Variants in CFAP46 observed in about 807,000 individuals in gnomAD.
CFAP46 encodes cilia- and flagella-associated protein 46.
A neutral mutation model predicts 325.7 loss-of-function variants in CFAP46; 245 were observed. The ratio of observed to expected loss-of-function variants is 0.75; its 90% confidence interval spans 0.68 to 0.84. The LOEUF (loss-of-function observed/expected upper bound fraction) is 0.84, where lower values mean the gene tolerates loss of function less well. Ranked by LOEUF, CFAP46 falls within the 40% of genes least tolerant of loss-of-function variation. The pLI, the probability that CFAP46 is intolerant of heterozygous loss-of-function variation, is 0.00. For missense variants in CFAP46, 3,346 were observed against 3,543.0 expected, an observed-to-expected ratio of 0.94 and a Z score of 1.41; for synonymous variants, 1,523 against 1,495.9, an observed-to-expected ratio of 1.02 and a Z score of -0.42.
At chr10:132,835,538 G>A (rs957812786) in intron 46 of CFAP46, 104 bp from the exon 47 acceptor site, 3 of 1,430,240 alleles carry the variant, frequency 2.1e-6, no homozygotes, top group Admixed American at 1.9e-5. Context: ...CCACAGGAAA[G>A]GCTGCATGGA....
chr10:132,937,422 T>C (rs773790224), intron 6 of CFAP46, 130 bp downstream of exon 6: 3 of 998,648 alleles, frequency 3.0e-6, no homozygotes, highest in Non-Finnish European at 4.5e-6. Context: ...TTATGTAATT[T>C]TGTTCATGTA....
chr10:132,865,550 C>G (rs945390524), intron 35 of CFAP46, among the ~76,000 whole-genome samples: 2 of 152,192 alleles, frequency 1.3e-5, no homozygotes, highest in African/African-American at 4.8e-5. Flanking sequence ...TCGCTGGGGA[C>G]CGTAAGGGTC....
At chr10:132,867,184 A>C (rs111909362) in intron 34 of CFAP46, among the ~76,000 whole-genome samples, 191 bp downstream of exon 34, 5 of 146,604 alleles carry the variant, frequency 3.4e-5, no homozygotes, top group African/African-American at 1.3e-4. Context: ...TGACACACAC[A>C]CAGGCCGGCC....
rs10870341 is a variant in CFAP46, at chr10:132,846,122, A to G, written c.6373T>C (p.Cys2125Arg). The G allele has an allele frequency of 0.12, 200,014 of 1,608,764 alleles. 13,705 individuals are homozygous for G. Among genetic ancestry groups the G allele is most frequent in the African/African-American group, 0.27 (20,253 of 74,838 alleles). ...ALLQLQHQLR[C>R]QDRTTTSLGA... Reference sequence around the variant, plus strand: ...AGGCTGGTGGTGGTCCTGTCTTGGCACCGGAGCTGGTGCTGTAGCTGCAGC... The same window carrying G: ...AGGCTGGTGGTGGTCCTGTCTTGGCGCCGGAGCTGGTGCTGTAGCTGCAGC... Residue 2125 changes from cysteine to arginine, a missense_variant, in exon 44 of 58, where the codon TGC becomes CGC. Physicochemically the swap from Cys to Arg is radical, Grantham distance 180. Coordinates refer to ENST00000368586, the MANE Select transcript of CFAP46 (RefSeq NM_001200049.3).
intron 37 of CFAP46, among the ~76,000 whole-genome samples, chr10:132,859,768 T>C (rs577166532): frequency 1.3e-5 from 2 of 152,348 alleles, no homozygotes; most frequent in African/African-American, 4.8e-5. Context: ...CAGAAATCCG[T>C]GTTGCTGGGG....
In CFAP46 at chr10:132,869,211, T is replaced by C. The variant is rs1848861013; in HGVS notation, c.4610+63A>G. The C allele has an allele frequency of 1.4e-6, 2 of 1,381,030 alleles. No individual in the cohort carries two copies. The highest frequency in any genetic ancestry group is 9.7e-7 in the Non-Finnish European group (1 of 1,031,308). The allele number at this position is 1,381,030 out of a possible 1,614,324, so 85.5% of individuals were successfully genotyped here. A position where few individuals can be genotyped will look rare whatever the true frequency, so the allele number is the denominator to read the frequency against. Reference sequence around the variant, plus strand: ...AAGAGGGTGGCCGCGCAGCTGGCTTTCACCTGGCCGCACCAAGGGCGAGAC... The same window carrying C: ...AAGAGGGTGGCCGCGCAGCTGGCTTCCACCTGGCCGCACCAAGGGCGAGAC... On this transcript the variant is annotated intron_variant, in intron 33 of 57. Transcript: ENST00000368586. This position sits in a 1 kb window ranked among gnomAD's most constrained non-coding sequence, Gnocchi z 6.2.
At position 132,918,408 on chromosome 10, in the gene CFAP46, C is replaced by A. The variant is rs1225492765; in HGVS notation, c.1971G>T (p.Gly657=). ...CATGACGCACCTCAGCATGGATGAACCCCACCTCCGCGAACTTCCGCAGCA... is the reference window on the plus strand; with the variant it reads ...CATGACGCACCTCAGCATGGATGAAACCCACCTCCGCGAACTTCCGCAGCA... ...PDLLRKFAEV[G]FIHAEATVHL... is the part of the protein sequence containing the mutation. The change falls in exon 16 of 58, where the codon GGG becomes GGT. Residue 657 remains glycine (G), a synonymous_variant. Transcript: ENST00000368586. 3 of 1,548,728 alleles carry A rather than the reference C, an allele frequency of 1.9e-6. No individual in the cohort carries two copies. The highest frequency in any genetic ancestry group is 2.6e-6 in the Non-Finnish European group (3 of 1,145,894).
chr10:132,889,012 C>T lies in CFAP46; in HGVS notation c.3305-3053G>A, dbSNP rs534997404. 2.6e-5 allele frequency among the ~76,000 whole-genome samples: 4 copies of T among 152,360 alleles called. No individual in the cohort carries two copies. Among genetic ancestry groups the T allele is most frequent in the Admixed American group, 6.5e-5 (1 of 15,312 alleles). On this transcript the variant is annotated intron_variant, in intron 25 of 57. Transcript: ENST00000368586. This position sits in a 1 kb window ranked among gnomAD's most constrained non-coding sequence, Gnocchi z 6.0. Reference sequence around the variant, plus strand: ...CCCTCTGGAGCCTTCTCAGACTACGCAGCCCCTCACGCCCTTTCTCTTTTC... The same window carrying T: ...CCCTCTGGAGCCTTCTCAGACTACGTAGCCCCTCACGCCCTTTCTCTTTTC...
At chr10:132,881,769 A>G (rs1849046811) in intron 27 of CFAP46, among the ~76,000 whole-genome samples, 1 of 152,248 alleles carries the variant, frequency 6.6e-6, no homozygotes, top group Non-Finnish European at 1.5e-5. Context: ...TCGCACTGGC[A>G]CCACACCACG....
intron 21 of CFAP46, 28 bp from the exon 22 acceptor site, chr10:132,908,662 A>AC: frequency 6.6e-7 from 1 of 1,510,974 alleles, no homozygotes; most frequent in South Asian, 1.3e-5. Flanking sequence ...GAGAAGGGGC[A>AC]CCGTGTTAGC....
intron 34 of CFAP46, 76 bp downstream of exon 34, chr10:132,867,299 C>T: frequency 6.6e-7 from 1 of 1,507,016 alleles, no homozygotes; most frequent in Non-Finnish European, 8.9e-7. Flanking sequence ...CCTGGCTCAG[C>T]TGCAGCCCTG....
At position 132,934,664 on chromosome 10, in the gene CFAP46, GT is replaced by G. The variant is rs1317746454; in HGVS notation, c.866+87del. 5 of 939,340 alleles carry G rather than the reference GT, an allele frequency of 5.3e-6. No individual in the cohort carries two copies. In the African/African-American group the frequency reaches 8.2e-5, roughly 15 times the overall value. 58.2% of individuals were successfully genotyped at this position (939,340 alleles called of 1,614,324 possible). A position where few individuals can be genotyped will look rare whatever the true frequency, so the allele number is the denominator to read the frequency against. ...TTTGCAAAGGTGGTTCTAGTTGCTT[GT>G]TTTACATTTTTTCACATTTTTCAGT... On this transcript the variant is annotated intron_variant, in intron 8 of 57. Transcript: ENST00000368586.
At position 132,941,646 on chromosome 10, in the gene CFAP46, CCCAGAAACTGGGT is replaced by C; in HGVS notation, c.238_250del (p.Thr80AlafsTer26). 1 of 1,614,016 alleles carries C rather than the reference CCCAGAAACTGGGT, an allele frequency of 6.2e-7. No homozygotes were observed. Among genetic ancestry groups the C allele is most frequent in the Non-Finnish European group, 8.5e-7 (1 of 1,180,028 alleles). ...CTGGGCCCTGCACAGGTGCGCTCGG[CCCAGAAACTGGGT>C]GATGGGCGCCTTCACCTTGAAGTAC... On this transcript the variant is annotated frameshift_variant, in exon 3 of 58. Coordinates refer to ENST00000368586, the MANE Select transcript of CFAP46 (RefSeq NM_001200049.3). LOFTEE classifies it high-confidence loss of function.
At position 132,833,397 on chromosome 10, in the gene CFAP46, G is replaced by A. The variant is rs1312506082; in HGVS notation, c.7078C>T (p.Leu2360Phe). Reference protein sequence around the residue: ...TISSVSREFSLQMLWNRLHKE... With the variant: ...TISSVSREFSFQMLWNRLHKE... ...TGGAGGCGATTCCACAGCATTTGAAGAGAAAATTCTCGTGACACAGAGGAA... is the reference window on the plus strand; with the variant it reads ...TGGAGGCGATTCCACAGCATTTGAAAAGAAAATTCTCGTGACACAGAGGAA... The change falls in exon 50 of 58, where the codon CTT becomes TTT. Residue 2360 changes from leucine to phenylalanine, a missense_variant. By Grantham distance (22) the Leu-to-Phe change is conservative. Coordinates refer to ENST00000368586, the MANE Select transcript of CFAP46 (RefSeq NM_001200049.3). 1 of 1,614,160 alleles carries A rather than the reference G, an allele frequency of 6.2e-7. No homozygotes were observed. The highest frequency in any genetic ancestry group is 8.5e-7 in the Non-Finnish European group (1 of 1,180,032).
At position 132,833,479 on chromosome 10, in the gene CFAP46, G is replaced by C; in HGVS notation, c.6996C>G (p.Asp2332Glu). ...CCAGTGGCAGCTCCAGGAGATGTCT[G>C]TCTGCGACCAGGACTATCTTATCGG... Reference protein sequence around the residue: ...EVADKIVLVADRHLLELPLEG... With the variant: ...EVADKIVLVAERHLLELPLEG... The change falls in exon 50 of 58, where the codon GAC (aspartate) becomes GAG (glutamate). Residue 2332 changes from aspartate (D) to glutamate (E), a missense_variant. Coordinates refer to ENST00000368586, the MANE Select transcript of CFAP46 (RefSeq NM_001200049.3). 1 of 1,614,148 alleles carries C rather than the reference G, an allele frequency of 6.2e-7. No homozygotes were observed. The highest frequency in any genetic ancestry group is 2.2e-5 in the East Asian group (1 of 44,878).
In CFAP46 at chr10:132,927,376, G is replaced by A. The variant is rs896287706; in HGVS notation, c.967-710C>T. Among the ~76,000 whole-genome samples, 76 of 151,540 alleles carry A rather than the reference G, an allele frequency of 5.0e-4. 1 individual carries two copies. Among genetic ancestry groups the A allele is most frequent in the South Asian group, 2.1e-4 (1 of 4,774 alleles). ...CCTCGGCGGCAGACGCCTCCGTCCC[G>A]GGGAGCAGGTCCTCGGCGGCAGACG... On this transcript the variant is annotated intron_variant, in intron 9 of 57. Transcript: ENST00000368586.
intron 25 of CFAP46, among the ~76,000 whole-genome samples, chr10:132,891,267 TC>T (rs1353244485): frequency 1.3e-5 from 2 of 152,090 alleles, no homozygotes; most frequent in Non-Finnish European, 2.9e-5. Flanking sequence ...GAATGGGCCC[TC>T]CTCTCGGCCA....
At position 132,846,231 on chromosome 10, in the gene CFAP46, A is replaced by T; in HGVS notation, c.6268-4T>A. 1 of 1,610,982 alleles carries T rather than the reference A, an allele frequency of 6.2e-7. No individual in the cohort carries two copies. Among genetic ancestry groups the T allele is most frequent in the Non-Finnish European group, 8.5e-7 (1 of 1,179,294 alleles). ...TCGTCTCTGAGGCCGAGCAGCTCTG[A>T]AAGGGAGCAGGGGAGGTGTACCAGG... is the stretch of plus-strand genomic sequence containing the variant. On this transcript the variant is annotated splice_region_variant and splice_polypyrimidine_tract_variant and intron_variant, in intron 43 of 57. Transcript: ENST00000368586.
intron 7 of CFAP46, among the ~76,000 whole-genome samples, chr10:132,936,062 G>A (rs1226404108): frequency 2.6e-5 from 1 of 38,256 alleles, no homozygotes; most frequent in Non-Finnish European, 4.7e-5. Context: ...AACACACTGT[G>A]ATCTCCTCAC....
Sources: allele counts gnomAD v4.1 joint callset (sites outside exome capture counted in the v4.1 genomes callset), GRCh38; gene constraint gnomAD v4.1.1; non-coding constraint Gnocchi (gnomAD v3.1); transcripts MANE v1.5; gene names NCBI Gene and HGNC (gene_info 2026-07-23, HGNC 2026-07-21).